Variants in EYS observed in about 807,000 individuals in gnomAD.
The protein encoded by EYS is protein eyes shut homolog.
Under a neutral mutation model 282.1 loss-of-function variants are expected in EYS, and 250 were observed. The observed-to-expected ratio is 0.89, with a 90% CI of 0.80 to 0.98. The LOEUF (loss-of-function observed/expected upper bound fraction) is 0.98, where lower values mean the gene tolerates loss of function less well. EYS is among the 50% of genes least tolerant of loss of function. The pLI is 0.00. For synonymous variants in EYS, 1,355 were observed against 1,282.9 expected (o/e 1.06, Z -1.20); for missense variants, 4,016 against 3,709.0 (o/e 1.08, Z -2.15).
intron 39 of EYS, among the ~76,000 whole-genome samples, chr6:63,781,587 G>A: frequency 1.3e-5 from 2 of 152,122 alleles, no homozygotes; most frequent in Admixed American, 6.5e-5. Context: ...TGTGATTTTT[G>A]CACATTAATT....
chr6:65,018,196 A>G (rs906498975), intron 13 of EYS, among the ~76,000 whole-genome samples: 1 of 152,240 alleles, frequency 6.6e-6, no homozygotes, highest in Non-Finnish European at 1.5e-5. Flanking sequence ...AAGCACCACA[A>G]ACTGGGTGGC....
At chr6:64,325,161 G>A (rs528270316) in intron 29 of EYS, among the ~76,000 whole-genome samples, 8 of 152,350 alleles carry the variant, frequency 5.3e-5, no homozygotes, top group Middle Eastern at 6.8e-3. Context: ...TCTGAAGGAA[G>A]TGGAGTGCTC....
intron 28 of EYS, among the ~76,000 whole-genome samples, chr6:64,428,753 T>C (rs2150457975): frequency 6.6e-6 from 1 of 152,324 alleles, no homozygotes; most frequent in African/African-American, 2.4e-5. Context: ...TTCTAGCCTA[T>C]ATTATTATCT....
At position 64,349,373 on chromosome 6, in the gene EYS, T is replaced by C. The variant is rs375306127; in HGVS notation, c.6078+39317A>G. ...TTTAAGAGGTGCTAATTGTATCAAC[T>C]CCTATATGATTTTATCATGAACTTA... On this transcript the variant is annotated intron_variant, in intron 29 of 42. Coordinates refer to ENST00000503581, the MANE Select transcript of EYS (RefSeq NM_001142800.2). 1.8e-4 allele frequency among the ~76,000 whole-genome samples: 27 copies of C among 151,364 alleles called. 2 individuals are homozygous for C. Among genetic ancestry groups the C allele is most frequent in the Admixed American group, 1.5e-3 (23 of 15,164 alleles).
At chr6:63,848,727 C>T (rs960842149) in intron 36 of EYS, among the ~76,000 whole-genome samples, 1 of 152,118 alleles carries the variant, frequency 6.6e-6, no homozygotes, top group Non-Finnish European at 1.5e-5. Flanking sequence ...ATCACCAGGG[C>T]CCTGGGTTCC....
intron 12 of EYS, among the ~76,000 whole-genome samples, chr6:65,194,682 G>A (rs550977620): frequency 4.0e-5 from 6 of 151,898 alleles, no homozygotes; most frequent in Admixed American, 6.6e-5. Flanking sequence ...TGTGAGGAGG[G>A]AGAATTCCTT....
chr6:64,988,857 G>A (rs9363306), intron 14 of EYS, among the ~76,000 whole-genome samples: 90,726 of 151,250 alleles, frequency 0.6, 29,776 homozygotes, highest in African/African-American at 0.89. Flanking sequence ...CATGATCAGT[G>A]AAGAAATTAT....
At chr6:65,684,062 C>T (rs979413619) in intron 1 of EYS, among the ~76,000 whole-genome samples, 1 of 151,840 alleles carries the variant, frequency 6.6e-6, no homozygotes, top group African/African-American at 2.4e-5. Flanking sequence ...TATTCATTGC[C>T]TTAGAATTTA....
At chr6:63,773,344 G>C (rs980741682) in intron 40 of EYS, among the ~76,000 whole-genome samples, 1 of 152,122 alleles carries the variant, frequency 6.6e-6, no homozygotes, top group Non-Finnish European at 1.5e-5. Context: ...GCAACAGTGA[G>C]AGAAAAGCAA....
chr6:64,568,890 C>T (rs1765635203), intron 26 of EYS, among the ~76,000 whole-genome samples: 1 of 151,938 alleles, frequency 6.6e-6, no homozygotes, highest in African/African-American at 2.4e-5. Context: ...GCAGAGGAGA[C>T]TGAATGTGAG....
At chr6:65,535,877 G>C (rs967422107) in intron 2 of EYS, among the ~76,000 whole-genome samples, 3 of 151,926 alleles carry the variant, frequency 2.0e-5, no homozygotes, top group Non-Finnish European at 4.4e-5. Flanking sequence ...AGCAGCCCAG[G>C]GCATAGTTAA....
At chr6:64,335,327 C>T (rs1394584003) in intron 29 of EYS, among the ~76,000 whole-genome samples, 2 of 131,712 alleles carry the variant, frequency 1.5e-5, no homozygotes. Context: ...TAGACCTTAT[C>T]TATACTCCCC....
chr6:64,271,676 A>G (rs897514741), intron 30 of EYS, among the ~76,000 whole-genome samples: 6 of 149,114 alleles, frequency 4.0e-5, no homozygotes, highest in African/African-American at 1.2e-4. Flanking sequence ...ATTGAAATTG[A>G]TTTTTGTTTG....
chr6:64,650,195 T>C (rs1562112327), intron 22 of EYS, among the ~76,000 whole-genome samples: 1 of 151,910 alleles, frequency 6.6e-6, no homozygotes, highest in Non-Finnish European at 1.5e-5. Context: ...AATCAAACAT[T>C]CTCAGAGAAA....
At chr6:63,858,735 T>C (rs1056331311) in intron 36 of EYS, among the ~76,000 whole-genome samples, 2 of 152,178 alleles carry the variant, frequency 1.3e-5, no homozygotes, top group African/African-American at 4.8e-5. Flanking sequence ...TGAGGGATAC[T>C]AAGATGTGTT....
intron 1 of EYS, among the ~76,000 whole-genome samples, chr6:65,705,633 A>G (rs912642510): frequency 3.9e-5 from 6 of 152,176 alleles, no homozygotes; most frequent in African/African-American, 1.4e-4. Context: ...GCAGAAAATT[A>G]TACAAATTTT....
At chr6:64,890,974 A>G (rs1767272844) in intron 18 of EYS, among the ~76,000 whole-genome samples, 1 of 152,082 alleles carries the variant, frequency 6.6e-6, no homozygotes, top group African/African-American at 2.4e-5. Flanking sequence ...ACTTTTCAAC[A>G]TTGCAAAAAT....
At chr6:63,860,263 C>T (rs186025637) in intron 36 of EYS, among the ~76,000 whole-genome samples, 30 of 152,158 alleles carry the variant, frequency 2.0e-4, no homozygotes, top group African/African-American at 6.0e-4. Flanking sequence ...AGCTAACACT[C>T]GAGGGGGATT....
intron 30 of EYS, among the ~76,000 whole-genome samples, chr6:64,257,781 TGA>T (rs1767450666): frequency 1.3e-5 from 2 of 151,802 alleles, no homozygotes; most frequent in Non-Finnish European, 1.5e-5. Flanking sequence ...ATGATGATGA[TGA>T]TGATGATGAT....
Sources: gnomAD v4.1 joint callset for allele counts (sites outside exome capture counted in the v4.1 genomes callset) on GRCh38, gnomAD v4.1.1 for gene constraint, MANE v1.5 for transcripts, NCBI Gene and HGNC (gene_info 2026-07-23, HGNC 2026-07-21) for gene names.